The following PPP1R12B variants were observed in gnomAD, a reference collection of about 807,000 sequenced individuals.
PPP1R12B encodes protein phosphatase 1 regulatory subunit 12B, also known as myosin phosphatase target subunit 2.
Under a neutral mutation model 126.1 loss-of-function variants are expected in PPP1R12B, and 76 were observed. That is an observed-to-expected ratio of 0.60 (90% CI 0.50 to 0.73). The LOEUF (loss-of-function observed/expected upper bound fraction) is 0.73, where lower values mean the gene tolerates loss of function less well. PPP1R12B is among the 30% of genes least tolerant of loss of function. The probability of loss-of-function intolerance (pLI) is 0.00; values close to 1 mark genes in which losing one functional copy is unlikely to be tolerated. For missense variants in PPP1R12B, 1,052 were observed against 1,205.1 expected (o/e 0.87, Z 1.88); for synonymous variants, 356 against 434.7 (o/e 0.82, Z 2.25).
At chr1:202,417,003 T>A (rs184350855) in intron 2 of PPP1R12B, 86 bp downstream of exon 2, 11 of 1,397,166 alleles carry the variant, frequency 7.9e-6, no homozygotes. Context: ...TTGAATTTTA[T>A]AAATAGTTAT....
chr1:202,460,963 A>T (rs1010213265), intron 13 of PPP1R12B, among the ~76,000 whole-genome samples: 1 of 152,116 alleles, frequency 6.6e-6, no homozygotes, highest in Non-Finnish European at 1.5e-5. Flanking sequence ...TGTCTCTTTG[A>T]AATAATAGTG....
At chr1:202,496,874 G>C in intron 18 of PPP1R12B, 52 bp downstream of exon 18, 2 of 1,529,778 alleles carry the variant, frequency 1.3e-6, no homozygotes, top group Non-Finnish European at 1.8e-6. Flanking sequence ...TCTTGCTCTT[G>C]TATGTAATTT....
At chr1:202,381,434 G>GTGTGTGTGTGTGTATGTA (rs71142528) in intron 1 of PPP1R12B, among the ~76,000 whole-genome samples, 6 of 131,128 alleles carry the variant, frequency 4.6e-5, no homozygotes, top group African/African-American at 1.8e-4. Context: ...GTGTGTGTGT[G>GTGTGTGTGTGTGTATGTA]TGTATCATCC....
intron 18 of PPP1R12B, among the ~76,000 whole-genome samples, chr1:202,534,533 A>C (rs1026844626): frequency 7.3e-5 from 11 of 149,722 alleles, no homozygotes; most frequent in African/African-American, 2.7e-4. Context: ...TCATGAGTTC[A>C]TACCAACATG....
chr1:202,439,734 GC>G, intron 10 of PPP1R12B: 1 of 566,922 alleles, frequency 1.8e-6, no homozygotes, highest in Non-Finnish European at 3.2e-6. Flanking sequence ...AGGGACTGAG[GC>G]CCTCTAGGAG....
At chr1:202,426,970 G>C (rs947053186) in intron 4 of PPP1R12B, 70 bp from the exon 5 acceptor site, 1 of 1,557,778 alleles carries the variant, frequency 6.4e-7, no homozygotes. Flanking sequence ...TATCAATTAG[G>C]TAATAGTGTA....
chr1:202,445,673 A>G (rs72748769), intron 12 of PPP1R12B, among the ~76,000 whole-genome samples: 209 of 152,362 alleles, frequency 1.4e-3, no homozygotes, highest in Admixed American at 3.5e-3. Context: ...CCAAAAGCCT[A>G]TGATAACCTT....
intron 1 of PPP1R12B, among the ~76,000 whole-genome samples, chr1:202,389,905 C>T (rs746612740): frequency 4.5e-4 from 61 of 135,884 alleles, no homozygotes; most frequent in African/African-American, 1.5e-3. Flanking sequence ...CCAGTCTGGG[C>T]GACAGAGCGG....
intron 1 of PPP1R12B, among the ~76,000 whole-genome samples, chr1:202,355,072 T>A (rs1469488874): frequency 6.6e-6 from 1 of 151,836 alleles, no homozygotes; most frequent in South Asian, 2.1e-4. Flanking sequence ...TCCTAGCTAA[T>A]TTTTGTATTT....
chr1:202,436,810 T>C (rs1670880750), intron 9 of PPP1R12B, among the ~76,000 whole-genome samples: 1 of 152,178 alleles, frequency 6.6e-6, no homozygotes, highest in African/African-American at 2.4e-5. Context: ...GTCAAAATTA[T>C]ATTTAAAAGA....
intron 10 of PPP1R12B, chr1:202,439,099 A>C: frequency 6.6e-7 from 1 of 1,515,858 alleles, no homozygotes; most frequent in Non-Finnish European, 9.2e-7. Context: ...CCAGCGCCAA[A>C]GTGGACATGA....
rs550141516 is a variant in PPP1R12B at position 202,355,846 on chromosome 1, C to T, written c.291+6704C>T. The stretch of plus-strand genomic sequence containing the variant: ...AAATAGTATTCAGTCAACGATTAGA[C>T]TGAGGTACTCTGAAGACGTACAAAT... On this transcript the variant is annotated intron_variant, in intron 1 of 23. Transcript: ENST00000608999. Among the ~76,000 whole-genome samples, 16 of 152,264 alleles carry T rather than the reference C, an allele frequency of 1.1e-4. No individual in the cohort carries two copies. In the South Asian group the frequency reaches 3.3e-3, roughly 32 times the overall value.
intron 1 of PPP1R12B, among the ~76,000 whole-genome samples, chr1:202,414,584 T>C (rs1571901545): frequency 6.6e-6 from 1 of 152,190 alleles, no homozygotes; most frequent in South Asian, 2.1e-4. Context: ...AGAATTCTTA[T>C]TTTCACTTGG....
At chr1:202,440,263 T>C (rs955158798) in intron 10 of PPP1R12B, among the ~76,000 whole-genome samples, 3 of 152,160 alleles carry the variant, frequency 2.0e-5, no homozygotes, top group Non-Finnish European at 4.4e-5. Flanking sequence ...GCATATTGGT[T>C]GAATTAACTC....
At chr1:202,549,737 CT>C (rs1426352250) in intron 18 of PPP1R12B, among the ~76,000 whole-genome samples, 2 of 152,216 alleles carry the variant, frequency 1.3e-5, no homozygotes, top group East Asian at 3.9e-4. Flanking sequence ...GAATTACACT[CT>C]GTTTTATGAG....
At position 202,591,188 on chromosome 1, in the gene PPP1R12B, C is replaced by G. The variant is rs964419454; in HGVS notation, c.*10628C>G. 1 of 152,452 alleles carries G rather than the reference C, an allele frequency of 6.6e-6. No homozygotes were observed. Among genetic ancestry groups the G allele is most frequent in the Non-Finnish European group, 1.5e-5 (1 of 68,190 alleles). The allele number at this position is 152,452 out of a possible 1,614,324, so 9.4% of individuals were successfully genotyped here. On this transcript the variant is annotated 3_prime_UTR_variant, in exon 24 of 24. Coordinates refer to ENST00000608999, the MANE Select transcript of PPP1R12B (RefSeq NM_002481.4). Reference sequence around the variant, plus strand: ...CTCTTTCAGTTCCCAGCACAAAGGTCCCTGGGACTTCTGTGTGCAACTTCT... The same window carrying G: ...CTCTTTCAGTTCCCAGCACAAAGGTGCCTGGGACTTCTGTGTGCAACTTCT...
At chr1:202,511,061 TA>T in intron 18 of PPP1R12B, among the ~76,000 whole-genome samples, 1 of 147,036 alleles carries the variant, frequency 6.8e-6, no homozygotes, top group Non-Finnish European at 1.5e-5. Flanking sequence ...TAATAATATA[TA>T]ATATATATTA....
At chr1:202,567,227 T>G (rs1688131844) in intron 21 of PPP1R12B, among the ~76,000 whole-genome samples, 1 of 152,196 alleles carries the variant, frequency 6.6e-6, no homozygotes, top group Non-Finnish European at 1.5e-5. Context: ...TAAGAACCCC[T>G]TAAAGCCCAC....
At chr1:202,420,548 A>T (rs1668611973) in intron 2 of PPP1R12B, among the ~76,000 whole-genome samples, 1 of 152,228 alleles carries the variant, frequency 6.6e-6, no homozygotes, top group Non-Finnish European at 1.5e-5. Flanking sequence ...ACTTCAATCC[A>T]GGAAACATTT....
Sources: gnomAD v4.1 joint callset for allele counts (sites outside exome capture counted in the v4.1 genomes callset) on GRCh38, gnomAD v4.1.1 for gene constraint, MANE v1.5 for transcripts, NCBI Gene and HGNC (gene_info 2026-07-23, HGNC 2026-07-21) for gene names.